The following KCNU1 variants were observed in gnomAD, a reference collection of about 807,000 sequenced individuals.
KCNU1 encodes potassium calcium-activated channel subfamily U member 1.
KCNU1 carries 93 observed loss-of-function variants against 126.8 expected under a neutral mutation model. The ratio of observed to expected loss-of-function variants is 0.73; its 90% CI spans 0.62 to 0.87. KCNU1 has a LOEUF of 0.87. Ranked by LOEUF, KCNU1 falls within the 40% of genes least tolerant of loss-of-function variation. The pLI is 0.00. For synonymous variants in KCNU1, 523 were observed against 494.2 expected (o/e 1.06, Z -0.77); for missense variants, 1,330 against 1,367.1 (o/e 0.97, Z 0.43).
chr8:36,810,313 T>C (rs1803665969), intron 7 of KCNU1, among the ~76,000 whole-genome samples: 1 of 151,782 alleles, frequency 6.6e-6, no homozygotes, highest in Non-Finnish European at 1.5e-5. Flanking sequence ...TGCTCTTGGG[T>C]TTAACACAGT....
At chr8:36,785,009 T>C (rs1468586440) in intron 1 of KCNU1, among the ~76,000 whole-genome samples, 2 of 152,232 alleles carry the variant, frequency 1.3e-5, no homozygotes, top group African/African-American at 4.8e-5. Context: ...TTTCATAAAT[T>C]GTTCATGCAT....
intron 12 of KCNU1, 71 bp downstream of exon 12, chr8:36,834,939 TA>T: frequency 1.0e-6 from 1 of 967,834 alleles, no homozygotes; most frequent in Non-Finnish European, 1.6e-6. Flanking sequence ...GCCCGGTACA[TA>T]AGCATAAAAA....
At chr8:36,831,030 T>C (rs566098532) in intron 10 of KCNU1, among the ~76,000 whole-genome samples, 18 of 151,624 alleles carry the variant, frequency 1.2e-4, no homozygotes, top group Admixed American at 2.6e-4. Flanking sequence ...GTTCTTGCGA[T>C]AGTTTACTGA....
intron 18 of KCNU1, among the ~76,000 whole-genome samples, chr8:36,859,142 G>T (rs1805639970): frequency 6.6e-6 from 1 of 152,108 alleles, no homozygotes; most frequent in African/African-American, 2.4e-5. Flanking sequence ...GGAGATCCTG[G>T]TTCTAACTAA....
chr8:36,912,368 A>T (rs1244877102), intron 22 of KCNU1, among the ~76,000 whole-genome samples: 2 of 152,190 alleles, frequency 1.3e-5, no homozygotes, highest in Admixed American at 1.3e-4. Context: ...TATTAGACAG[A>T]CCTTCACTAA....
At position 36,817,677 on chromosome 8, in the gene KCNU1, T is replaced by C. The variant is rs1803969759; in HGVS notation, c.1023T>C (p.Thr341=). ...KKFIVVCGNI[T]VDSVTAFLRN... The stretch of plus-strand genomic sequence containing the variant: ...TTATTGTGGTCTGTGGAAACATCAC[T>C]GTGGACAGTGTGACCGCTTTCCTGA... Residue 341 remains threonine, a synonymous_variant, in exon 10 of 27, where the codon ACT becomes ACC. Coordinates refer to ENST00000399881, the MANE Select transcript of KCNU1 (RefSeq NM_001031836.3). 1 of 1,611,918 alleles carries C rather than the reference T, an allele frequency of 6.2e-7. No homozygotes were observed. The highest frequency in any genetic ancestry group is 8.5e-7 in the Non-Finnish European group (1 of 1,178,068).
intron 14 of KCNU1, among the ~76,000 whole-genome samples, chr8:36,837,434 A>G (rs986890871): frequency 2.0e-5 from 3 of 152,208 alleles, no homozygotes; most frequent in African/African-American, 7.2e-5. Context: ...CATTCCATGC[A>G]GGAATAATAA....
intron 18 of KCNU1, among the ~76,000 whole-genome samples, chr8:36,858,689 A>G (rs930051582): frequency 6.6e-6 from 1 of 152,194 alleles, no homozygotes; most frequent in Non-Finnish European, 1.5e-5. Flanking sequence ...TGACTTTACT[A>G]TAAATATTTT....
rs111716366 is a variant in KCNU1 at position 36,799,428 on chromosome 8, GC to G, written c.316-4598del. Among the ~76,000 whole-genome samples, 351 of 150,716 alleles carry G rather than the reference GC, an allele frequency of 2.3e-3. 12 individuals are homozygous for G. Among genetic ancestry groups the G allele is most frequent in the African/African-American group, 8.2e-3 (336 of 40,970 alleles). On this transcript the variant is annotated intron_variant, in intron 2 of 26. Transcript: ENST00000399881. Reference sequence around the variant, plus strand: ...TTTTCAGTTCAGGGAATCATCTTTTGCTTTTTTATTTAGCTATTCTTTTTTT... The same window carrying G: ...TTTTCAGTTCAGGGAATCATCTTTTGTTTTTTATTTAGCTATTCTTTTTTT...
chr8:36,885,357 C>A (rs967048104), intron 19 of KCNU1, among the ~76,000 whole-genome samples: 2 of 151,906 alleles, frequency 1.3e-5, no homozygotes, highest in Non-Finnish European at 2.9e-5. Context: ...GAGTTGAAGA[C>A]CAGCCCGACC....
intron 10 of KCNU1, 32 bp from the exon 11 acceptor site, chr8:36,833,522 C>G: frequency 7.8e-7 from 1 of 1,282,206 alleles, no homozygotes; most frequent in South Asian, 1.2e-5. Flanking sequence ...CATCTTTTTT[C>G]CCTCATTGCT....
intron 19 of KCNU1, among the ~76,000 whole-genome samples, chr8:36,888,047 G>A (rs1318683854): frequency 1.3e-5 from 2 of 152,058 alleles, no homozygotes; most frequent in Non-Finnish European, 2.9e-5. Flanking sequence ...TTGTCCAAGA[G>A]GGAGTCTGTT....
intron 8 of KCNU1, among the ~76,000 whole-genome samples, chr8:36,815,234 G>A (rs1803865162): frequency 6.6e-6 from 1 of 152,124 alleles, no homozygotes; most frequent in Non-Finnish European, 1.5e-5. Flanking sequence ...GGGAGGCTGA[G>A]GCAGGAGAAT....
At chr8:36,843,815 T>C (rs192264197) in intron 16 of KCNU1, among the ~76,000 whole-genome samples, 1 of 152,230 alleles carries the variant, frequency 6.6e-6, no homozygotes, top group Non-Finnish European at 1.5e-5. Flanking sequence ...AGAATTTTTC[T>C]TACGGAATTA....
chr8:36,823,825 C>T (rs1474996037), intron 10 of KCNU1, among the ~76,000 whole-genome samples: 1 of 148,602 alleles, frequency 6.7e-6, no homozygotes, highest in Admixed American at 6.8e-5. Context: ...AATTAATCTC[C>T]TTGTTCAAAC....
chr8:36,895,887 A>C (rs937417672), intron 19 of KCNU1, among the ~76,000 whole-genome samples: 4 of 152,128 alleles, frequency 2.6e-5, no homozygotes, highest in Non-Finnish European at 4.4e-5. Flanking sequence ...ATAAAATTCT[A>C]TAAATGCCTT....
chr8:36,845,762 G>A, intron 17 of KCNU1, 40 bp from the exon 18 acceptor site: 13 of 1,513,310 alleles, frequency 8.6e-6, no homozygotes, highest in Non-Finnish European at 1.2e-5. Context: ...TTTGCATTAA[G>A]ACTCACATAA....
At chr8:36,852,970 C>T (rs903816214) in intron 18 of KCNU1, among the ~76,000 whole-genome samples, 1 of 151,994 alleles carries the variant, frequency 6.6e-6, no homozygotes, top group Admixed American at 6.6e-5. Flanking sequence ...TTTGGGTTAA[C>T]TTGCCTTCCT....
chr8:36,799,013 T>C (rs999223991), intron 2 of KCNU1, among the ~76,000 whole-genome samples: 2 of 152,162 alleles, frequency 1.3e-5, no homozygotes, highest in Admixed American at 6.5e-5. Context: ...CTACTAAATT[T>C]TGAGAATTCC....
Sources: gnomAD v4.1 joint callset for allele counts (sites outside exome capture counted in the v4.1 genomes callset) on GRCh38, gnomAD v4.1.1 for gene constraint, MANE v1.5 for transcripts, NCBI Gene and HGNC (gene_info 2026-07-23, HGNC 2026-07-21) for gene names.